The following UPF2 variants were observed in gnomAD, a reference collection of about 807,000 sequenced individuals.
UPF2 encodes regulator of nonsense transcripts 2.
In UPF2, 17 loss-of-function variants were observed where a neutral mutation model predicts 141.4. The ratio of observed to expected loss-of-function variants is 0.12; its 90% CI spans 0.08 to 0.18. The LOEUF (loss-of-function observed/expected upper bound fraction) is 0.18, where lower values mean the gene tolerates loss of function less well. UPF2 is among the 10% of genes least tolerant of loss of function. UPF2 has a pLI of 1.00. For synonymous variants in UPF2, 540 were observed against 498.0 expected, an observed-to-expected ratio of 1.08 and a Z score of -1.12; for missense variants, 1,152 against 1,515.9, an observed-to-expected ratio of 0.76 and a Z score of 3.99.
intron 21 of UPF2, among the ~76,000 whole-genome samples, chr10:11,927,875 A>G (rs1772749564): frequency 6.6e-6 from 1 of 152,208 alleles, no homozygotes; most frequent in African/African-American, 2.4e-5. Flanking sequence ...AGTAACAGAC[A>G]CAGGCTCTGA....
At chr10:11,934,230 G>A (rs372160585) in intron 19 of UPF2, among the ~76,000 whole-genome samples, 1 of 152,344 alleles carries the variant, frequency 6.6e-6, no homozygotes, top group South Asian at 2.1e-4. Context: ...GTGAATCCTC[G>A]TAACAGTGGT....
intron 15 of UPF2, among the ~76,000 whole-genome samples, chr10:11,950,204 T>A (rs774101254): frequency 2.0e-5 from 3 of 152,196 alleles, no homozygotes; most frequent in Non-Finnish European, 4.4e-5. Flanking sequence ...AAGTTATTTT[T>A]AAAATATGAT....
rs754734559 is a variant in UPF2 at position 11,956,336 on chromosome 10, A to G, written c.2558T>C (p.Ile853Thr). 1.1e-5 allele frequency: 17 copies of G among 1,613,974 alleles called. No homozygotes were observed. The highest frequency in any genetic ancestry group is 6.7e-5 in the Admixed American group (4 of 59,998). Reference protein sequence around the residue: ...IHVVDGVLEDIRLGMEVNQPK... With the variant: ...IHVVDGVLEDTRLGMEVNQPK... Reference sequence around the variant, plus strand: ...CTTGTTTACCTCCATTCCTAATCGAATATCTTCTAACACTCCATCCACAAC... The same window carrying G: ...CTTGTTTACCTCCATTCCTAATCGAGTATCTTCTAACACTCCATCCACAAC... Residue 853 changes from isoleucine (I) to threonine (T), a missense_variant, in exon 13 of 22, where the codon ATT (isoleucine) becomes ACT (threonine). Ile to Thr is a moderately conservative substitution (Grantham distance 89). This residue lies in a region of UPF2 where 739 missense variants were observed against 1,032.2 expected (regional missense o/e 0.72). Transcript: ENST00000357604. The surrounding 1 kb of genome is among the most constrained non-coding windows in gnomAD (Gnocchi z 4.2).
chr10:12,001,917 T>C (rs1033526056), intron 5 of UPF2, 92 bp from the exon 6 acceptor site: 1 of 1,225,842 alleles, frequency 8.2e-7, no homozygotes, highest in African/African-American at 1.6e-5. Context: ...ATCTGCAGGT[T>C]CTTTTAGAAG....
chr10:11,979,459 A>T lies in UPF2; in HGVS notation c.1845-294T>A, dbSNP rs1833557784. ...ACACACAAAAAAACAGTATGTTTTG[A>T]CACGACTTAAATTTTTAATCACATA... On this transcript the variant is annotated intron_variant, in intron 8 of 21. Coordinates refer to ENST00000357604, the MANE Select transcript of UPF2 (RefSeq NM_015542.4). The surrounding 1 kb of genome is among the most constrained non-coding windows in gnomAD (Gnocchi z 6.2). Among the ~76,000 whole-genome samples the T allele has an allele frequency of 6.6e-6, 1 of 152,246 alleles. No individual in the cohort carries two copies. Among genetic ancestry groups the T allele is most frequent in the Non-Finnish European group, 1.5e-5 (1 of 68,040 alleles).
chr10:11,928,710 GAAAA>G, intron 21 of UPF2: 2 of 298,678 alleles, frequency 6.7e-6, no homozygotes, highest in African/African-American at 2.6e-5. Context: ...CTCCGCCTCA[GAAAA>G]AAAAAAAACT....
chr10:12,027,695 T>C (rs1242648789), intron 3 of UPF2, among the ~76,000 whole-genome samples: 1 of 152,192 alleles, frequency 6.6e-6, no homozygotes, highest in Non-Finnish European at 1.5e-5. Flanking sequence ...CTGAGTGACC[T>C]TCAGCCACAA....
intron 11 of UPF2, among the ~76,000 whole-genome samples, chr10:11,962,808 G>A (rs1833261146): frequency 6.6e-6 from 1 of 152,076 alleles, no homozygotes; most frequent in African/African-American, 2.4e-5. Flanking sequence ...TTTACCTGCA[G>A]CTGTTTTATT....
At chr10:11,955,694 TTAAAGTG>T (rs1310794535) in intron 13 of UPF2, among the ~76,000 whole-genome samples, 187 bp from the exon 14 acceptor site, 1 of 152,242 alleles carries the variant, frequency 6.6e-6, no homozygotes, top group Non-Finnish European at 1.5e-5. Context: ...ATGGCTATCT[TTAAAGTG>T]TTTTCATAAA....
rs903653167 is a variant in UPF2, at chr10:11,936,971, T to C, written c.3379-259A>G. 6.6e-6 allele frequency among the ~76,000 whole-genome samples: 1 copy of C among 152,208 alleles called. No homozygotes were observed. The highest frequency in any genetic ancestry group is 2.4e-5 in the African/African-American group (1 of 41,460). On this transcript the variant is annotated intron_variant, in intron 18 of 21. Coordinates refer to ENST00000357604, the MANE Select transcript of UPF2 (RefSeq NM_015542.4). The surrounding 1 kb of genome is among the most constrained non-coding windows in gnomAD (Gnocchi z 6.6). ...TTGGCTGCTGTTGACTGCTCCAGCCTCTCCCAAGCACGCAGTGCTGCGGGT... is the reference window on the plus strand; with the variant it reads ...TTGGCTGCTGTTGACTGCTCCAGCCCCTCCCAAGCACGCAGTGCTGCGGGT...
At chr10:12,032,337 C>T (rs1834540397) in intron 2 of UPF2, among the ~76,000 whole-genome samples, 1 of 150,594 alleles carries the variant, frequency 6.6e-6, no homozygotes, top group Non-Finnish European at 1.5e-5. Flanking sequence ...AAAGTATGTA[C>T]ATACATTAAA....
rs538618600 is a variant in UPF2, at chr10:11,948,997, C to T, written c.3035-489G>A. Among the ~76,000 whole-genome samples, 17 of 152,238 alleles carry T rather than the reference C, an allele frequency of 1.1e-4. No individual in the cohort carries two copies. In the East Asian group the frequency reaches 2.5e-3, roughly 22 times the overall value. ...CAATTTGAATGTATGCAAATTAAGA[C>T]GGGGGAATGGGGCAAAACGCCATAG... On this transcript the variant is annotated intron_variant, in intron 15 of 21. Transcript: ENST00000357604.
intron 10 of UPF2, among the ~76,000 whole-genome samples, chr10:11,964,700 G>C (rs1039526105): frequency 9.2e-5 from 14 of 152,096 alleles, no homozygotes; most frequent in Non-Finnish European, 1.8e-4. Context: ...AAAGTATATA[G>C]TGCTACATAA....
intron 8 of UPF2, among the ~76,000 whole-genome samples, chr10:11,984,267 G>A (rs1347272450): frequency 6.6e-6 from 1 of 151,906 alleles, no homozygotes; most frequent in African/African-American, 2.4e-5. Flanking sequence ...GTTCTATGTG[G>A]GTATTTTATC....
At chr10:12,038,503 C>T (rs1034161524) in intron 1 of UPF2, among the ~76,000 whole-genome samples, 10 of 151,916 alleles carry the variant, frequency 6.6e-5, no homozygotes, top group African/African-American at 2.4e-4. Flanking sequence ...CCAAGGCAGG[C>T]AGATCACTTG....
rs1413024389 is a variant in UPF2, at chr10:11,931,144, C to T, written c.3688+497G>A. Reference sequence around the variant, plus strand: ...AGGAGGTAAATACAGTCGTGTGCCGCGTGACCATGTTCCAGACAATGACAG... The same window carrying T: ...AGGAGGTAAATACAGTCGTGTGCCGTGTGACCATGTTCCAGACAATGACAG... On this transcript the variant is annotated intron_variant, in intron 20 of 21. Transcript: ENST00000357604. This position sits in a 1 kb window ranked among gnomAD's most constrained non-coding sequence, Gnocchi z 5.9. Among the ~76,000 whole-genome samples, 4 of 152,304 alleles carry T rather than the reference C, an allele frequency of 2.6e-5. No homozygotes were observed. The highest frequency in any genetic ancestry group is 4.1e-4 in the South Asian group (2 of 4,830).
At chr10:11,991,267 T>G (rs1401941719) in intron 8 of UPF2, among the ~76,000 whole-genome samples, 1 of 151,870 alleles carries the variant, frequency 6.6e-6, no homozygotes, top group Non-Finnish European at 1.5e-5. Flanking sequence ...AAAAGAGTAG[T>G]AGAGGGAAAA....
intron 2 of UPF2, 133 bp from the exon 3 acceptor site, chr10:12,029,657 A>G (rs1834481058): frequency 9.7e-7 from 1 of 1,029,470 alleles, no homozygotes; most frequent in Non-Finnish European, 1.4e-6. Context: ...AAGGCCTTTC[A>G]CTACTTTTAA....
At position 11,953,803 on chromosome 10, in the gene UPF2, T is replaced by C. The variant is rs1419568005; in HGVS notation, c.2850+1429A>G. Among the ~76,000 whole-genome samples, 3 of 152,208 alleles carry C rather than the reference T, an allele frequency of 2.0e-5. No homozygotes were observed. Among genetic ancestry groups the C allele is most frequent in the Non-Finnish European group, 4.4e-5 (3 of 68,040 alleles). ...ATCAATTCAGAAAGTAAGGGAGTAA[T>C]AGGTTTCCCTCTACTGCAAAAGAAT... On this transcript the variant is annotated intron_variant, in intron 14 of 21. Transcript: ENST00000357604. This position sits in a 1 kb window ranked among gnomAD's most constrained non-coding sequence, Gnocchi z 5.0.
Sources: gnomAD v4.1 joint callset for allele counts (sites outside exome capture counted in the v4.1 genomes callset) on GRCh38, gnomAD v4.1.1 for gene constraint, gnomAD v4.1.1 regional missense constraint, Gnocchi (gnomAD v3.1) non-coding constraint, MANE v1.5 for transcripts, NCBI Gene and HGNC (gene_info 2026-07-23, HGNC 2026-07-21) for gene names.